Variants in UGGT2 observed in about 807,000 individuals in gnomAD.
UGGT2 encodes UDP-glucose glycoprotein glucosyltransferase 2.
UGGT2 carries 180 observed loss-of-function variants against 192.1 expected under a neutral mutation model. The ratio of observed to expected loss-of-function variants is 0.94; its 90% CI spans 0.83 to 1.06. The LOEUF is 1.06. Ranked by LOEUF, UGGT2 falls within the 50% of genes least tolerant of loss-of-function variation. The pLI is 0.00. For synonymous variants in UGGT2, 580 were observed against 591.0 expected, an observed-to-expected ratio of 0.98 and a Z score of 0.27; for missense variants, 1,849 against 1,795.7, an observed-to-expected ratio of 1.03 and a Z score of -0.54.
At chr13:96,011,435 T>G (rs2052158893) in intron 5 of UGGT2, among the ~76,000 whole-genome samples, 1 of 152,020 alleles carries the variant, frequency 6.6e-6, no homozygotes, top group Non-Finnish European at 1.5e-5. Flanking sequence ...GACAACTTCA[T>G]TAGTCATTAG....
chr13:95,852,227 T>C (rs1889122057), intron 36 of UGGT2, among the ~76,000 whole-genome samples: 1 of 152,220 alleles, frequency 6.6e-6, no homozygotes, highest in Non-Finnish European at 1.5e-5. Flanking sequence ...TCCTTCATTT[T>C]TACTTTATTC....
At chr13:95,859,871 TAGA>T (rs1451220791) in intron 32 of UGGT2, 196 bp from the exon 33 acceptor site, 3 of 419,208 alleles carry the variant, frequency 7.2e-6, no homozygotes, top group Middle Eastern at 6.7e-4. Flanking sequence ...AGGTATGAAT[TAGA>T]AGGTTTTCAC....
At chr13:95,851,421 T>C (rs561093726) in intron 36 of UGGT2, among the ~76,000 whole-genome samples, 151 of 152,280 alleles carry the variant, frequency 9.9e-4, no homozygotes, top group Middle Eastern at 6.8e-3. Context: ...AGAGATGGTA[T>C]GGAGTGAGAA....
chr13:96,024,922 A>G (rs1181255708), intron 2 of UGGT2, among the ~76,000 whole-genome samples: 1 of 152,146 alleles, frequency 6.6e-6, no homozygotes, highest in African/African-American at 2.4e-5. Context: ...TGATTGTGAC[A>G]ATGTTTACTA....
chr13:96,025,116 T>C (rs1044219008), intron 2 of UGGT2, among the ~76,000 whole-genome samples: 1 of 152,222 alleles, frequency 6.6e-6, no homozygotes, highest in African/African-American at 2.4e-5. Context: ...CTTCTGTCTC[T>C]GAATCAGGGG....
At chr13:96,048,494 T>C (rs2053385578) in intron 1 of UGGT2, among the ~76,000 whole-genome samples, 1 of 151,734 alleles carries the variant, frequency 6.6e-6, no homozygotes, top group South Asian at 2.1e-4. Context: ...AGAGCAAAAC[T>C]GAAGGAGATA....
At chr13:96,030,952 C>T (rs1286832901) in intron 2 of UGGT2, among the ~76,000 whole-genome samples, 1 of 152,128 alleles carries the variant, frequency 6.6e-6, no homozygotes, top group Admixed American at 6.6e-5. Flanking sequence ...TCAAAGTATT[C>T]TGCCAATAAA....
intron 4 of UGGT2, among the ~76,000 whole-genome samples, chr13:96,019,495 AC>A: frequency 6.6e-6 from 1 of 152,220 alleles, no homozygotes; most frequent in East Asian, 1.9e-4. Context: ...CACTGAAAAC[AC>A]CCCGAGAAAA....
chr13:95,967,130 C>T (rs1262487634), intron 12 of UGGT2, among the ~76,000 whole-genome samples: 4 of 149,614 alleles, frequency 2.7e-5, no homozygotes, highest in Non-Finnish European at 5.9e-5. Flanking sequence ...AACTATGTAT[C>T]GTTATAAGGG....
chr13:95,812,901 AC>A (rs2139748474), intron 38 of UGGT2, among the ~76,000 whole-genome samples: 1 of 152,310 alleles, frequency 6.6e-6, no homozygotes, highest in South Asian at 2.1e-4. Context: ...TGATGGATGC[AC>A]AACTCCGTGA....
At chr13:95,861,612 T>G (rs950870762) in intron 31 of UGGT2, among the ~76,000 whole-genome samples, 5 of 152,188 alleles carry the variant, frequency 3.3e-5, no homozygotes, top group African/African-American at 9.7e-5. Context: ...GTATTCATAA[T>G]GTATAAATTC....
chr13:95,862,676 G>A (rs1890270634), intron 31 of UGGT2, among the ~76,000 whole-genome samples: 1 of 152,124 alleles, frequency 6.6e-6, no homozygotes, highest in Non-Finnish European at 1.5e-5. Context: ...GTACTGTTTG[G>A]AAAGAGGCAA....
Position 96,050,049 on chromosome 13 carries a change from T to C in UGGT2, c.158+3106A>G, listed in dbSNP as rs1308145764. Among the ~76,000 whole-genome samples the C allele has an allele frequency of 2.0e-5, 3 of 152,200 alleles. No homozygotes were observed. In the East Asian group the frequency reaches 5.8e-4, roughly 29 times the overall value. ...CAATCCTAAGCAAAAAGAACAAAGC[T>C]GGAGGCATCACGCTACCTGACTTCA... On this transcript the variant is annotated intron_variant, in intron 1 of 38. Transcript: ENST00000376747.
chr13:95,835,000 T>G (rs369500082), intron 37 of UGGT2, among the ~76,000 whole-genome samples: 137 of 152,362 alleles, frequency 9.0e-4, no homozygotes, highest in African/African-American at 3.0e-3. Context: ...AAATAAATTT[T>G]AATACTATAT....
At chr13:95,906,586 A>T (rs750182463) in intron 20 of UGGT2, among the ~76,000 whole-genome samples, 1 of 152,228 alleles carries the variant, frequency 6.6e-6, no homozygotes, top group Non-Finnish European at 1.5e-5. Flanking sequence ...CCCAATTTTG[A>T]TTAATAACAT....
chr13:95,885,870 AG>A (rs2047631376), intron 26 of UGGT2, among the ~76,000 whole-genome samples: 2 of 151,992 alleles, frequency 1.3e-5, no homozygotes, highest in Admixed American at 1.3e-4. Flanking sequence ...CTGCAGTGGA[AG>A]GTACAGTGAA....
At chr13:96,004,176 GAA>G (rs35910583) in intron 5 of UGGT2, among the ~76,000 whole-genome samples, 1,865 of 139,554 alleles carry the variant, frequency 0.013, 21 homozygotes, top group Non-Finnish European at 0.022. Context: ...GCAACTCTAG[GAA>G]AAAAAAAAAA....
intron 28 of UGGT2, 87 bp downstream of exon 28, chr13:95,877,611 G>T: frequency 6.9e-7 from 1 of 1,441,550 alleles, no homozygotes. Flanking sequence ...AGCAACAGCA[G>T]AATAAAGATT....
At chr13:95,825,206 C>T (rs764629697) in intron 38 of UGGT2, among the ~76,000 whole-genome samples, 2 of 152,070 alleles carry the variant, frequency 1.3e-5, no homozygotes, top group Non-Finnish European at 2.9e-5. Flanking sequence ...TTAATTTCTC[C>T]CCAGTATTTT....
Sources: gnomAD v4.1 joint callset for allele counts (sites outside exome capture counted in the v4.1 genomes callset) on GRCh38, gnomAD v4.1.1 for gene constraint, MANE v1.5 for transcripts, NCBI Gene and HGNC (gene_info 2026-07-23, HGNC 2026-07-21) for gene names.